The following PDE4B variants were observed in gnomAD, a reference collection of about 807,000 sequenced individuals.
PDE4B encodes the protein phosphodiesterase 4B.
A neutral mutation model predicts 82.2 loss-of-function variants in PDE4B; 20 were observed. The observed-to-expected ratio is 0.24, with a 90% CI of 0.17 to 0.35. PDE4B has a LOEUF of 0.35. Among genes scored for constraint, PDE4B ranks in the 10% least tolerant of loss-of-function variants. The pLI is 1.00. For missense variants in PDE4B, 655 were observed against 907.2 expected, an observed-to-expected ratio of 0.72 and a Z score of 3.57; for synonymous variants, 320 against 318.9, an observed-to-expected ratio of 1.00 and a Z score of -0.04.
intron 1 of PDE4B, among the ~76,000 whole-genome samples, chr1:65,856,574 C>G (rs920208333): frequency 1.3e-5 from 2 of 152,140 alleles, no homozygotes; most frequent in Non-Finnish European, 2.9e-5. Context: ...TTTATCCAGT[C>G]TATCACTGGT....
chr1:66,052,877 C>T (rs1557526703), intron 3 of PDE4B, among the ~76,000 whole-genome samples: 1 of 148,368 alleles, frequency 6.7e-6, no homozygotes, highest in Non-Finnish European at 1.5e-5. Flanking sequence ...TGATGGGCAG[C>T]TTCTTCATTT....
intron 3 of PDE4B, among the ~76,000 whole-genome samples, chr1:65,960,150 A>G (rs1399205009): frequency 6.6e-6 from 1 of 152,210 alleles, no homozygotes; most frequent in Non-Finnish European, 1.5e-5. Context: ...TCTTTTTCTC[A>G]ACAGGGGAAC....
intron 8 of PDE4B, among the ~76,000 whole-genome samples, chr1:66,334,924 C>A (rs1660397092): frequency 2.0e-5 from 3 of 151,980 alleles, no homozygotes; most frequent in Admixed American, 1.3e-4. Context: ...TAATGCAATG[C>A]AAACATTTTT....
intron 1 of PDE4B, among the ~76,000 whole-genome samples, chr1:65,875,201 T>G (rs1173748103): frequency 2.0e-5 from 3 of 151,716 alleles, no homozygotes; most frequent in South Asian, 2.1e-4. Flanking sequence ...CATGAAAAAA[T>G]GCTCATCATC....
chr1:65,947,518 C>G (rs1056385451), intron 3 of PDE4B, among the ~76,000 whole-genome samples: 1 of 151,976 alleles, frequency 6.6e-6, no homozygotes, highest in Admixed American at 6.6e-5. Flanking sequence ...AGTCCTATCC[C>G]CTGGTATCTA....
At chr1:66,130,320 T>A (rs1247391287) in intron 3 of PDE4B, among the ~76,000 whole-genome samples, 1 of 152,220 alleles carries the variant, frequency 6.6e-6, no homozygotes, top group Non-Finnish European at 1.5e-5. Context: ...AATGTGGCAT[T>A]TGTAAAACGT....
At chr1:65,922,377 C>T (rs941289339) in intron 3 of PDE4B, among the ~76,000 whole-genome samples, 1 of 152,004 alleles carries the variant, frequency 6.6e-6, no homozygotes, top group African/African-American at 2.4e-5. Context: ...TATGCATTTT[C>T]TATTATTGGA....
chr1:66,111,105 G>A (rs1196399900), intron 3 of PDE4B, among the ~76,000 whole-genome samples: 1 of 151,976 alleles, frequency 6.6e-6, no homozygotes, highest in East Asian at 1.9e-4. Context: ...ATGAAATGGT[G>A]CTATTTTAAT....
intron 3 of PDE4B, among the ~76,000 whole-genome samples, chr1:65,944,360 G>T (rs903117068): frequency 6.6e-6 from 1 of 151,728 alleles, no homozygotes; most frequent in South Asian, 2.1e-4. Flanking sequence ...AATTCAGTTT[G>T]CTAGTATTTT....
Position 66,090,621 on chromosome 1 carries a change from A to ATATATATATATGTGTGTGTGTG in PDE4B, c.282-156838_282-156837insATATATATATGTGTGTGTGTGT. Among the ~76,000 whole-genome samples the ATATATATATATGTGTGTGTGTG allele has an allele frequency of 2.9e-3, 354 of 122,556 alleles. 16 individuals are homozygous for ATATATATATATGTGTGTGTGTG. The highest frequency in any genetic ancestry group is 0.013 in the African/African-American group (324 of 24,224). 80.4% of individuals were successfully genotyped at this position (122,556 alleles called of 152,430 possible). The stretch of plus-strand genomic sequence containing the variant: ...TTATATATATATATGTATATAATAT[A>ATATATATATATGTGTGTGTGTG]TGTGTGTGTGTGTGTGTGTATGTAC... On this transcript the variant is annotated intron_variant, in intron 3 of 16. Transcript: ENST00000341517.
intron 7 of PDE4B, among the ~76,000 whole-genome samples, chr1:66,303,230 G>C (rs892048955): frequency 6.6e-6 from 1 of 151,838 alleles, no homozygotes; most frequent in African/African-American, 2.4e-5. Flanking sequence ...ATTGCCCTCA[G>C]GGCTGGGAGG....
chr1:66,311,700 G>T (rs1658682386), intron 7 of PDE4B, among the ~76,000 whole-genome samples: 1 of 152,204 alleles, frequency 6.6e-6, no homozygotes, highest in Non-Finnish European at 1.5e-5. Context: ...TTCATCTTTG[G>T]AATGCTGTGT....
chr1:66,298,338 T>C (rs572928173), intron 7 of PDE4B, among the ~76,000 whole-genome samples: 4 of 152,258 alleles, frequency 2.6e-5, no homozygotes, highest in Admixed American at 6.5e-5. Flanking sequence ...GACTACCTAA[T>C]AGGCCTTACT....
At chr1:66,155,687 C>T (rs192279871) in intron 3 of PDE4B, among the ~76,000 whole-genome samples, 9 of 151,944 alleles carry the variant, frequency 5.9e-5, no homozygotes, top group Admixed American at 5.9e-4. Flanking sequence ...AAGATTTGTG[C>T]TAGGTACTGG....
At chr1:65,886,481 T>C (rs1265129823) in intron 1 of PDE4B, among the ~76,000 whole-genome samples, 1 of 152,140 alleles carries the variant, frequency 6.6e-6, no homozygotes, top group African/African-American at 2.4e-5. Flanking sequence ...ACTTATTCCT[T>C]CTATCTAACT....
chr1:66,259,106 T>C (rs1339978078), intron 6 of PDE4B, among the ~76,000 whole-genome samples: 1 of 152,234 alleles, frequency 6.6e-6, no homozygotes, highest in East Asian at 1.9e-4. Flanking sequence ...TCTAGAGGCT[T>C]GTCTCAGCCT....
At chr1:66,114,784 C>T (rs1018734122) in intron 3 of PDE4B, among the ~76,000 whole-genome samples, 6 of 151,986 alleles carry the variant, frequency 3.9e-5, no homozygotes, top group African/African-American at 1.5e-4. Flanking sequence ...TACAGGCACA[C>T]ATCACCACAC....
At chr1:65,841,381 A>AAAGGAAAGGAAGGAAGG (rs1553190179) in intron 1 of PDE4B, among the ~76,000 whole-genome samples, 5 of 150,226 alleles carry the variant, frequency 3.3e-5, no homozygotes, top group Middle Eastern at 3.2e-3. Flanking sequence ...AAAGGAAAGG[A>AAAGGAAAGGAAGGAAGG]AAGGAAGGAA....
chr1:66,094,361 C>T (rs1645076935), intron 3 of PDE4B: 1 of 152,010 alleles, frequency 6.6e-6, no homozygotes, highest in Non-Finnish European at 1.5e-5. Flanking sequence ...CAAAGATCTA[C>T]CATTTAGTCA....
Sources: gnomAD v4.1 joint callset for allele counts (sites outside exome capture counted in the v4.1 genomes callset) on GRCh38, gnomAD v4.1.1 for gene constraint, MANE v1.5 for transcripts, NCBI Gene and HGNC (gene_info 2026-07-23, HGNC 2026-07-21) for gene names.